The following NAV3 variants were observed in gnomAD, a reference collection of about 807,000 sequenced individuals.
NAV3 encodes the protein pore membrane and/or filament interacting like protein 1.
Under a neutral mutation model 244.7 loss-of-function variants are expected in NAV3, and 87 were observed. The ratio of observed to expected loss-of-function variants is 0.36; its 90% CI spans 0.30 to 0.42. The LOEUF (loss-of-function observed/expected upper bound fraction) is 0.42. NAV3 is among the 20% of genes least tolerant of loss of function. The pLI is 1.00. For synonymous variants in NAV3, 1,126 were observed against 1,042.2 expected, an observed-to-expected ratio of 1.08 and a Z score of -1.55; for missense variants, 2,663 against 2,893.3, an observed-to-expected ratio of 0.92 and a Z score of 1.83.
intron 2 of NAV3, among the ~76,000 whole-genome samples, chr12:77,616,529 T>C (rs112439079): frequency 1.1e-3 from 174 of 152,254 alleles, no homozygotes; most frequent in African/African-American, 4.0e-3. Context: ...CATAGGCTTC[T>C]GTGACTCACA....
intron 2 of NAV3, among the ~76,000 whole-genome samples, chr12:77,632,491 A>G (rs1258230898): frequency 3.3e-5 from 5 of 152,132 alleles, no homozygotes. Context: ...AAACCATCAG[A>G]TCTAGTGAGA....
rs2138638194 is a variant in NAV3, at chr12:78,119,885, C to T, written c.3689C>T (p.Ala1230Val). The change falls in exon 15 of 40, where the codon GCA becomes GTA. Residue 1230 changes from alanine to valine, a missense_variant. Around this residue, in one of 6 missense-constraint regions of NAV3, gnomAD observed 1,521 missense variants for 1,497.0 expected, o/e 1.02. Transcript: ENST00000397909. The stretch of plus-strand genomic sequence containing the variant: ...CCCACCTCTGCCAGCGCCTGTGGTG[C>T]ACAAGGTCTCAGGCAGCCAGGATCC... ...SSPTSASACG[A>V]QGLRQPGSKY... is the part of the protein sequence containing the mutation. The T allele has an allele frequency of 6.2e-7, 1 of 1,614,148 alleles. No individual in the cohort carries two copies. The highest frequency in any genetic ancestry group is 1.1e-5 in the South Asian group (1 of 91,078).
chr12:77,730,543 A>G (rs2137339685), intron 2 of NAV3, among the ~76,000 whole-genome samples: 1 of 152,046 alleles, frequency 6.6e-6, no homozygotes, highest in African/African-American at 2.4e-5. Context: ...TATCCAATAA[A>G]TGTTTATTGA....
At chr12:77,997,683 G>T (rs1395372189) in intron 6 of NAV3, among the ~76,000 whole-genome samples, 1 of 152,222 alleles carries the variant, frequency 6.6e-6, no homozygotes, top group Non-Finnish European at 1.5e-5. Flanking sequence ...GGCCAAACTT[G>T]TGAGACAACC....
chr12:77,988,520 GA>G (rs1870926229), intron 5 of NAV3, among the ~76,000 whole-genome samples: 1 of 151,962 alleles, frequency 6.6e-6, no homozygotes, highest in Non-Finnish European at 1.5e-5. Flanking sequence ...CCATGCTTGA[GA>G]AAAATAAAAA....
At chr12:77,900,576 G>A (rs1253266947) in intron 1 of NAV3, among the ~76,000 whole-genome samples, 2 of 152,024 alleles carry the variant, frequency 1.3e-5, no homozygotes, top group Non-Finnish European at 2.9e-5. Context: ...ACGCGTATGT[G>A]TGTGTGTGTG....
At chr12:78,130,485 C>T in intron 18 of NAV3, 1 of 212,942 alleles carries the variant, frequency 4.7e-6, no homozygotes, top group East Asian at 1.2e-4. Context: ...AGGATGAAGC[C>T]TTGGCTTTCC....
At chr12:77,707,061 C>A (rs944732455) in intron 2 of NAV3, among the ~76,000 whole-genome samples, 7 of 150,504 alleles carry the variant, frequency 4.7e-5, no homozygotes, top group Non-Finnish European at 8.9e-5. Context: ...TTTTTTCTTT[C>A]TTTCTTTCTT....
chr12:77,910,298 A>G (rs1228249079), intron 1 of NAV3, among the ~76,000 whole-genome samples: 1 of 151,918 alleles, frequency 6.6e-6, no homozygotes, highest in African/African-American at 2.4e-5. Context: ...TCACATGAGG[A>G]AAGAGGGAGC....
intron 12 of NAV3, among the ~76,000 whole-genome samples, chr12:78,079,131 C>A (rs1229153993): frequency 1.8e-4 from 28 of 152,134 alleles, no homozygotes; most frequent in Admixed American, 1.8e-3. Flanking sequence ...AGTGTCACAC[C>A]TTTTGTAGCT....
intron 2 of NAV3, among the ~76,000 whole-genome samples, chr12:77,813,969 G>A (rs1221365805): frequency 2.6e-5 from 4 of 152,170 alleles, no homozygotes; most frequent in African/African-American, 9.7e-5. Context: ...GATACACAGA[G>A]TAGTGTCCCC....
chr12:78,101,020 C>A (rs980970765), intron 12 of NAV3, among the ~76,000 whole-genome samples: 14 of 152,120 alleles, frequency 9.2e-5, no homozygotes, highest in African/African-American at 3.4e-4. Flanking sequence ...TCACTTCATT[C>A]CCTTGGTTTT....
chr12:77,920,686 G>A (rs536369543), intron 1 of NAV3, among the ~76,000 whole-genome samples: 86 of 152,066 alleles, frequency 5.7e-4, no homozygotes, highest in Admixed American at 1.0e-3. Flanking sequence ...TCATGTAGGC[G>A]AATATTTGTC....
At chr12:77,765,686 T>G (rs1869713376) in intron 2 of NAV3, among the ~76,000 whole-genome samples, 1 of 151,722 alleles carries the variant, frequency 6.6e-6, no homozygotes, top group Non-Finnish European at 1.5e-5. Flanking sequence ...TGGTGAGAAC[T>G]GAGAATGGAA....
At chr12:77,708,013 G>T (rs372494309) in intron 2 of NAV3, among the ~76,000 whole-genome samples, 15 of 152,162 alleles carry the variant, frequency 9.9e-5, no homozygotes, top group Middle Eastern at 3.2e-3. Flanking sequence ...TAGGTTGCCT[G>T]TTCACTCTGA....
chr12:78,007,293 A>C lies in NAV3; in HGVS notation c.1755A>C (p.Gly585=). ...SASSCPAPLE[G]REAGQASPSG... ...CTAGTTGTCCTGCCCCTTTGGAAGG[A>C]AGGGAAGCTGGCCAAGCTTCTCCTT... The change falls in exon 8 of 40, where the codon GGA becomes GGC. Residue 585 remains glycine, a synonymous_variant. Coordinates refer to ENST00000397909, the MANE Select transcript of NAV3 (RefSeq NM_001024383.2). 1.9e-6 allele frequency: 3 copies of C among 1,614,172 alleles called. No homozygotes were observed. Among genetic ancestry groups the C allele is most frequent in the Non-Finnish European group, 2.5e-6 (3 of 1,180,024 alleles).
chr12:77,582,779 A>C (rs711098), intron 2 of NAV3, among the ~76,000 whole-genome samples: 87,255 of 151,988 alleles, frequency 0.57, 25,286 homozygotes, highest in Middle Eastern at 0.74. Context: ...TATTGGACCA[A>C]GTTCACATTT....
chr12:78,134,244 C>A (rs1315877540), intron 18 of NAV3, among the ~76,000 whole-genome samples: 1 of 152,166 alleles, frequency 6.6e-6, no homozygotes, highest in Non-Finnish European at 1.5e-5. Flanking sequence ...CTCCTGTCTT[C>A]TATTCTTTCG....
Position 77,998,384 on chromosome 12 carries a change from T to A in NAV3, c.788T>A (p.Val263Asp). 1 of 1,611,912 alleles carries A rather than the reference T, an allele frequency of 6.2e-7. No homozygotes were observed. The highest frequency in any genetic ancestry group is 8.5e-7 in the Non-Finnish European group (1 of 1,178,868). ...CCTGCTGCAGGAAGCAGCAGCAAGG[T>A]CCAGGGAGCCTCTAATTTAAATAGG... ...RVPAAGSSSK[V>D]QGASNLNRRS... Residue 263 changes from valine to aspartate, a missense_variant, in exon 7 of 40, where the codon GTC becomes GAC. Physicochemically the swap from Val to Asp is radical, Grantham distance 152. Coordinates refer to ENST00000397909, the MANE Select transcript of NAV3 (RefSeq NM_001024383.2).
Sources: gnomAD v4.1 joint callset for allele counts (sites outside exome capture counted in the v4.1 genomes callset) on GRCh38, gnomAD v4.1.1 for gene constraint, gnomAD v4.1.1 regional missense constraint, MANE v1.5 for transcripts, NCBI Gene and HGNC (gene_info 2026-07-23, HGNC 2026-07-21) for gene names.